SAMMSON: variants seen among roughly 807,000 people sequenced by gnomAD.
The protein encoded by SAMMSON is long intergenic non-protein coding RNA 1212.
intron 9 of SAMMSON, among the ~76,000 whole-genome samples, chr3:70,358,881 TGTC>T (rs1702850356): frequency 6.6e-6 from 1 of 152,122 alleles, no homozygotes. Flanking sequence ...AAATGTCAGT[TGTC>T]GTAACAGAAT....
intron 3 of SAMMSON, among the ~76,000 whole-genome samples, chr3:70,015,558 G>T (rs1260377313): frequency 1.3e-5 from 2 of 151,976 alleles, no homozygotes; most frequent in Non-Finnish European, 2.9e-5. Flanking sequence ...CTTACTTGAG[G>T]TGTCTTTCTT....
At chr3:70,241,211 T>C (rs982814074) in intron 4 of SAMMSON, among the ~76,000 whole-genome samples, 2 of 152,140 alleles carry the variant, frequency 1.3e-5, no homozygotes, top group Non-Finnish European at 2.9e-5. Context: ...ATAAATATTG[T>C]CATATTTCTA....
At chr3:70,126,141 A>G in intron 4 of SAMMSON, 1 of 1,258,830 alleles carries the variant, frequency 7.9e-7, no homozygotes, top group South Asian at 1.3e-5. Context: ...GTGGGTACAT[A>G]TACTTGAGGC....
At chr3:70,016,231 T>G (rs1238078537) in intron 3 of SAMMSON, among the ~76,000 whole-genome samples, 12 of 152,154 alleles carry the variant, frequency 7.9e-5, no homozygotes, top group Non-Finnish European at 1.0e-4. Flanking sequence ...ACCTGTTGTT[T>G]CCTGACTTTT....
At chr3:70,301,873 A>G (rs1702351704) in intron 7 of SAMMSON, among the ~76,000 whole-genome samples, 1 of 152,146 alleles carries the variant, frequency 6.6e-6, no homozygotes, top group African/African-American at 2.4e-5. Flanking sequence ...TTCTAAATAC[A>G]AAAAATGAAA....
intron 7 of SAMMSON, among the ~76,000 whole-genome samples, chr3:70,295,208 C>T (rs1489968268): frequency 6.6e-6 from 1 of 152,006 alleles, no homozygotes; most frequent in Non-Finnish European, 1.5e-5. Context: ...ATTGAGATTG[C>T]TTAAGAAGAA....
intron 2 of SAMMSON, among the ~76,000 whole-genome samples, chr3:70,433,127 T>C (rs1701428161): frequency 1.3e-5 from 2 of 152,152 alleles, no homozygotes; most frequent in African/African-American, 2.4e-5. Flanking sequence ...AACATCTGTG[T>C]GCACATTTCT....
chr3:70,317,698 A>G (rs578228624), intron 7 of SAMMSON, among the ~76,000 whole-genome samples: 19 of 151,748 alleles, frequency 1.3e-4, no homozygotes, highest in African/African-American at 3.9e-4. Flanking sequence ...AATTAGGAGG[A>G]AAAAAATTCG....
chr3:70,347,400 T>C (rs1241873993), intron 7 of SAMMSON, among the ~76,000 whole-genome samples: 2 of 152,046 alleles, frequency 1.3e-5, no homozygotes, highest in Non-Finnish European at 2.9e-5. Context: ...TGTATTAGAG[T>C]CTTCGTTCAA....
chr3:70,260,917 G>C (rs1416000521), intron 6 of SAMMSON, among the ~76,000 whole-genome samples: 1 of 152,058 alleles, frequency 6.6e-6, no homozygotes, highest in African/African-American at 2.4e-5. Flanking sequence ...TATACTTCTA[G>C]CTGATGGAGA....
chr3:70,417,888 C>G (rs530554106), intron 2 of SAMMSON, among the ~76,000 whole-genome samples: 95 of 152,244 alleles, frequency 6.2e-4, no homozygotes, highest in African/African-American at 2.1e-3. Flanking sequence ...TCCTGAAAGG[C>G]ATGTGGTGAA....
At chr3:70,310,035 G>T (rs1036279235) in intron 7 of SAMMSON, among the ~76,000 whole-genome samples, 15 of 152,132 alleles carry the variant, frequency 9.9e-5, no homozygotes, top group Non-Finnish European at 1.6e-4. Context: ...ACCATAAGTG[G>T]TGGTGAAGAA....
intron 3 of SAMMSON, chr3:70,030,447 C>G (rs2067059653): frequency 6.6e-6 from 1 of 152,152 alleles, no homozygotes; most frequent in Non-Finnish European, 1.5e-5. Flanking sequence ...GAACAAATAG[C>G]TAATATTTTC....
At chr3:70,158,350 T>C (rs1207493189) in intron 4 of SAMMSON, among the ~76,000 whole-genome samples, 1 of 152,132 alleles carries the variant, frequency 6.6e-6, no homozygotes, top group African/African-American at 2.4e-5. Context: ...CATAATGTTT[T>C]TGAGGTTCAT....
chr3:70,312,450 G>A (rs1241556126), intron 7 of SAMMSON: 1 of 152,252 alleles, frequency 6.6e-6, no homozygotes, highest in Non-Finnish European at 1.5e-5. Flanking sequence ...GCTCCCTGAA[G>A]GTGTTGACGA....
chr3:70,025,923 T>A (rs2067035534), intron 3 of SAMMSON, among the ~76,000 whole-genome samples: 1 of 152,172 alleles, frequency 6.6e-6, no homozygotes, highest in Non-Finnish European at 1.5e-5. Flanking sequence ...TCTCATCATC[T>A]TCATATTGAG....
chr3:70,224,416 T>A (rs2106739216), intron 4 of SAMMSON, among the ~76,000 whole-genome samples: 1 of 152,304 alleles, frequency 6.6e-6, no homozygotes, highest in African/African-American at 2.4e-5. Context: ...AGAAGCCCTT[T>A]GGATGGGCTC....
chr3:70,377,293 A>G (rs1177449496), intron 9 of SAMMSON, among the ~76,000 whole-genome samples: 1 of 152,158 alleles, frequency 6.6e-6, no homozygotes, highest in African/African-American at 2.4e-5. Flanking sequence ...ATAATAAGGT[A>G]TTAACATAGA....
At chr3:70,053,685 C>T (rs1265771272) in intron 3 of SAMMSON, among the ~76,000 whole-genome samples, 2 of 152,094 alleles carry the variant, frequency 1.3e-5, no homozygotes, top group Non-Finnish European at 2.9e-5. Context: ...AGTTAATTCC[C>T]AGGGAAACAG....
Sources: allele counts gnomAD v4.1 joint callset (sites outside exome capture counted in the v4.1 genomes callset), GRCh38; gene constraint gnomAD v4.1.1; transcripts MANE v1.5; gene names NCBI Gene and HGNC (gene_info 2026-07-23, HGNC 2026-07-21).